RASSF3: variants seen among roughly 807,000 people sequenced by gnomAD.
RASSF3 encodes the protein ras association domain-containing protein 3.
In RASSF3, 19 loss-of-function variants were observed where a neutral mutation model predicts 19.9. The observed-to-expected ratio is 0.96, with a 90% CI of 0.67 to 1.40. The LOEUF is 1.40. RASSF3 is among the 40% of genes most tolerant of loss of function. The pLI is 0.00. For missense variants in RASSF3, 306 were observed against 289.8 expected (o/e 1.06, Z -0.41); for synonymous variants, 110 against 104.2 (o/e 1.06, Z -0.34).
intron 1 of RASSF3, among the ~76,000 whole-genome samples, chr12:64,539,188 G>A (rs1868891485): frequency 6.6e-6 from 1 of 152,168 alleles, no homozygotes; most frequent in Non-Finnish European, 1.5e-5. Context: ...GGCATCTGGT[G>A]AAGCCCTTCT....
chr12:64,600,033 CAAAAAAAAA>C (rs34515445), intron 2 of RASSF3, among the ~76,000 whole-genome samples: 1 of 63,986 alleles, frequency 1.6e-5, no homozygotes, highest in African/African-American at 6.6e-5. Context: ...GACTCCATCT[CAAAAAAAAA>C]AAAAAAAAAA....
At chr12:64,598,586 G>A (rs1431899088) in intron 2 of RASSF3, among the ~76,000 whole-genome samples, 1 of 152,134 alleles carries the variant, frequency 6.6e-6, no homozygotes, top group Non-Finnish European at 1.5e-5. Context: ...CCCAGCTTAG[G>A]CTACCACTAA....
intron 2 of RASSF3, among the ~76,000 whole-genome samples, chr12:64,594,554 G>A (rs1869969928): frequency 1.3e-5 from 2 of 151,862 alleles, no homozygotes; most frequent in South Asian, 4.2e-4. Flanking sequence ...TAATTTTGAG[G>A]TAGCCTCAAA....
intron 1 of RASSF3, among the ~76,000 whole-genome samples, chr12:64,655,481 C>CT (rs1872124407): frequency 1.3e-5 from 2 of 151,614 alleles, no homozygotes; most frequent in Admixed American, 1.3e-4. Context: ...TTTTTTTTTC[C>CT]TTTTTTTCAA....
intron 2 of RASSF3, among the ~76,000 whole-genome samples, chr12:64,579,988 T>C (rs1260108700): frequency 6.6e-6 from 1 of 151,918 alleles, no homozygotes; most frequent in Non-Finnish European, 1.5e-5. Flanking sequence ...CTAATTTTTG[T>C]TTTTTCAGTA....
At chr12:64,634,531 A>G (rs1466358068) in intron 1 of RASSF3, among the ~76,000 whole-genome samples, 3 of 152,086 alleles carry the variant, frequency 2.0e-5, no homozygotes, top group African/African-American at 7.2e-5. Context: ...AAACTTTTCA[A>G]AAAGCAACAG....
intron 1 of RASSF3, among the ~76,000 whole-genome samples, chr12:64,674,060 A>AT (rs1243824716): frequency 6.6e-6 from 1 of 152,256 alleles, no homozygotes; most frequent in Non-Finnish European, 1.5e-5. Flanking sequence ...CACAACTGCA[A>AT]TTAATCTTAT....
intron 1 of RASSF3, among the ~76,000 whole-genome samples, chr12:64,641,414 A>ACACACACACACACACACACGCGCGCG: frequency 7.5e-4 from 106 of 142,184 alleles, no homozygotes; most frequent in Middle Eastern, 3.5e-3. Flanking sequence ...ACACACACAC[A>ACACACACACACACACACACGCGCGCG]CGCGCGCGCG....
upstream of RASSF3, among the ~76,000 whole-genome samples, chr12:64,531,699 G>A (rs934213718): frequency 6.6e-6 from 1 of 152,234 alleles, no homozygotes; most frequent in Middle Eastern, 3.4e-3. Context: ...GTGATTCCAC[G>A]GCCTCCCTCC....
At chr12:64,691,738 A>AAGAGAAGAGAGTGG (rs1868287767) in intron 4 of RASSF3, among the ~76,000 whole-genome samples, 159 bp downstream of exon 4, 2 of 23,906 alleles carry the variant, frequency 8.4e-5, no homozygotes, top group Non-Finnish European at 2.1e-4. Context: ...AGGGAGAGGG[A>AAGAGAAGAGAGTGG]GAGGGATTTT....
downstream of RASSF3, among the ~76,000 whole-genome samples, chr12:64,546,612 G>C (rs1329926709): frequency 6.6e-6 from 1 of 152,198 alleles, no homozygotes; most frequent in Non-Finnish European, 1.5e-5. Flanking sequence ...CTACTCTTGT[G>C]AATTGATTTG....
intron 1 of RASSF3, among the ~76,000 whole-genome samples, chr12:64,613,847 C>G (rs1870457708): frequency 6.6e-6 from 1 of 151,982 alleles, no homozygotes; most frequent in Admixed American, 6.6e-5. Context: ...ACTCGGGAGA[C>G]TGAGGTGGGA....
At chr12:64,643,646 C>A (rs1236347302) in intron 1 of RASSF3, among the ~76,000 whole-genome samples, 1 of 151,888 alleles carries the variant, frequency 6.6e-6, no homozygotes, top group Middle Eastern at 3.4e-3. Flanking sequence ...GAAAAAAAAA[C>A]CGGAATGATC....
intron 1 of RASSF3, among the ~76,000 whole-genome samples, chr12:64,670,544 CTTT>C (rs34897392): frequency 1.4e-4 from 19 of 131,286 alleles, no homozygotes; most frequent in Non-Finnish European, 1.5e-4. Flanking sequence ...CTCTCTCTCT[CTTT>C]TTTTTTTTTT....
Position 64,684,829 on chromosome 12 carries a change from G to C in RASSF3, c.154G>C (p.Glu52Gln). The C allele has an allele frequency of 2.5e-6, 4 of 1,613,720 alleles. No individual in the cohort carries two copies. The highest frequency in any genetic ancestry group is 2.2e-5 in the South Asian group (2 of 91,076). Residue 52 changes from glutamate (E) to glutamine (Q), a missense_variant, in exon 2 of 5, where the codon GAG (glutamate) becomes CAG (glutamine). Coordinates refer to ENST00000542104, the MANE Select transcript of RASSF3 (RefSeq NM_178169.4). ...GGAAACCCACAGTTACCTCAGCAAA[G>C]AGGAGATCAAAGAGAAAGTTCATAA... ...EKETHSYLSK[E>Q]EIKEKVHKYN...
At chr12:64,612,466 G>A (rs1026408382) in intron 1 of RASSF3, among the ~76,000 whole-genome samples, 3 of 149,478 alleles carry the variant, frequency 2.0e-5, no homozygotes, top group Non-Finnish European at 3.0e-5. Flanking sequence ...AGGTTTATAT[G>A]CATTTAGCGT....
intron 1 of RASSF3, among the ~76,000 whole-genome samples, chr12:64,537,025 A>G (rs535353243): frequency 6.6e-6 from 1 of 152,276 alleles, no homozygotes; most frequent in African/African-American, 2.4e-5. Flanking sequence ...TTCCGTGCTC[A>G]TCTTCTTGAC....
intron 1 of RASSF3, among the ~76,000 whole-genome samples, chr12:64,514,053 CTT>C (rs763156753): frequency 1.8e-4 from 24 of 133,582 alleles, no homozygotes; most frequent in Admixed American, 2.3e-4. Context: ...CTACTTTTTG[CTT>C]TTTTTTTTTT....
At chr12:64,521,342 T>C (rs1483107121) in intron 1 of RASSF3, among the ~76,000 whole-genome samples, 1 of 152,188 alleles carries the variant, frequency 6.6e-6, no homozygotes, top group African/African-American at 2.4e-5. Context: ...CCAAAGTTCC[T>C]CTTGTGAGGC....
Sources: gnomAD v4.1 joint callset for allele counts (sites outside exome capture counted in the v4.1 genomes callset) on GRCh38, gnomAD v4.1.1 for gene constraint, MANE v1.5 for transcripts, NCBI Gene and HGNC (gene_info 2026-07-23, HGNC 2026-07-21) for gene names.